Variants in IGF2R observed in about 807,000 individuals in gnomAD.
IGF2R encodes insulin like growth factor 2 receptor.
IGF2R carries 91 observed loss-of-function variants against 270.6 expected under a neutral mutation model. The observed-to-expected ratio is 0.34, with a 90% CI of 0.28 to 0.40. The LOEUF (loss-of-function observed/expected upper bound fraction) is 0.40, where lower values mean the gene tolerates loss of function less well. Among genes scored for constraint, IGF2R ranks in the 10% least tolerant of loss-of-function variants. IGF2R has a pLI of 1.00. For missense variants in IGF2R, 2,805 were observed against 3,188.3 expected (o/e 0.88, Z 2.90); for synonymous variants, 1,316 against 1,258.9 (o/e 1.05, Z -0.96).
chr6:160,078,598 G>A (rs1044091720), intron 37 of IGF2R, among the ~76,000 whole-genome samples: 1 of 152,194 alleles, frequency 6.6e-6, no homozygotes, highest in Non-Finnish European at 1.5e-5. Context: ...TGCACTTAAC[G>A]CTTTTTGATG....
intron 9 of IGF2R, among the ~76,000 whole-genome samples, chr6:160,033,625 C>T (rs1396946457): frequency 6.6e-6 from 1 of 152,236 alleles, no homozygotes; most frequent in Admixed American, 6.5e-5. Context: ...AAGAATGCTT[C>T]TGTTAGAACT....
In IGF2R at chr6:160,110,059, G is replaced by A. The variant is rs954477362; in HGVS notation, c.*4975G>A. 2 of 152,224 alleles carry A rather than the reference G, an allele frequency of 1.3e-5. No individual in the cohort carries two copies. Among genetic ancestry groups the A allele is most frequent in the African/African-American group, 4.8e-5 (2 of 41,454 alleles). The allele number at this position is 152,224 out of a possible 1,614,324, so 9.4% of individuals were successfully genotyped here. ...TTGAAGTGAAACAGCTTTTCTTGGT[G>A]TGAGACCTTTCAGAGTCTTTAAAGG... On this transcript the variant is annotated 3_prime_UTR_variant, in exon 48 of 48. Coordinates refer to ENST00000356956, the MANE Select transcript of IGF2R (RefSeq NM_000876.4).
At position 160,043,193 on chromosome 6, in the gene IGF2R, CAG is replaced by C; in HGVS notation, c.1530_1531del (p.Lys511GlufsTer6). On this transcript the variant is annotated frameshift_variant, in exon 12 of 48. Transcript: ENST00000356956. LOFTEE classifies it high-confidence loss of function. ...GCTGTGGATGGCAGTCAGACGGAAA[CAG>C]AGAAGAAGCATTTTTTCATTAATAT... The C allele has an allele frequency of 6.2e-7, 1 of 1,614,140 alleles. No homozygotes were observed. Among genetic ancestry groups the C allele is most frequent in the Non-Finnish European group, 8.5e-7 (1 of 1,179,998 alleles).
At chr6:160,065,243 G>A (rs1315149401) in intron 29 of IGF2R, among the ~76,000 whole-genome samples, 2 of 152,238 alleles carry the variant, frequency 1.3e-5, no homozygotes, top group African/African-American at 4.8e-5. Context: ...CGTCCACAGA[G>A]CTGCTCTCAA....
At chr6:160,053,278 G>T (rs57905622) in intron 19 of IGF2R, among the ~76,000 whole-genome samples, 13,213 of 152,120 alleles carry the variant, frequency 0.087, 873 homozygotes, top group East Asian at 0.33. Context: ...TGGGGGCTGG[G>T]GGGGAGGGAT....
intron 29 of IGF2R, among the ~76,000 whole-genome samples, chr6:160,067,049 G>A (rs1778600421): frequency 1.3e-5 from 2 of 152,310 alleles, no homozygotes; most frequent in South Asian, 4.1e-4. Context: ...CGCTCTTGCT[G>A]AAACCTTCAA....
chr6:160,070,739 G>A (rs185897506), intron 31 of IGF2R, among the ~76,000 whole-genome samples: 115 of 152,322 alleles, frequency 7.5e-4, no homozygotes, highest in African/African-American at 2.6e-3. Flanking sequence ...GCATTAACTC[G>A]GGCAAGACCA....
chr6:159,990,817 A>G lies in IGF2R; in HGVS notation c.150-367A>G, dbSNP rs553769762. Among the ~76,000 whole-genome samples the G allele has an allele frequency of 8.5e-5, 13 of 152,128 alleles. No individual in the cohort carries two copies. In the South Asian group the frequency reaches 2.5e-3, roughly 29 times the overall value. On this transcript the variant is annotated intron_variant, in intron 1 of 47. Coordinates refer to ENST00000356956, the MANE Select transcript of IGF2R (RefSeq NM_000876.4). ...GCTAATTTTTGTATTTTTAGTAGAGATGGGGTTTCATTATGTTGGCCAGGC... is the reference window on the plus strand; with the variant it reads ...GCTAATTTTTGTATTTTTAGTAGAGGTGGGGTTTCATTATGTTGGCCAGGC...
In IGF2R at chr6:160,061,371, G is replaced by A. The variant is rs553405982; in HGVS notation, c.3263-132G>A. The A allele has an allele frequency of 1.4e-4, 113 of 817,808 alleles. No individual in the cohort carries two copies. The African/African-American group carries it at 1.6e-3, about 12-fold the overall frequency. 50.7% of individuals were successfully genotyped at this position (817,808 alleles called of 1,614,324 possible). A position where few individuals can be genotyped will look rare whatever the true frequency, so the allele number is the denominator to read the frequency against. On this transcript the variant is annotated intron_variant, in intron 23 of 47. Transcript: ENST00000356956. ...TGTAGGCAAAGCCTCTCAGCCTCCC[G>A]TGGATTTCCTTATCCTCACAGTTAG...
At chr6:160,095,491 G>A (rs527760299) in intron 44 of IGF2R, 1 of 152,294 alleles carries the variant, frequency 6.6e-6, no homozygotes, top group East Asian at 1.9e-4. Context: ...TTTTACACTT[G>A]GCAAATGTTA....
In IGF2R at chr6:160,058,076, A is replaced by C. The variant is rs1221030906; in HGVS notation, c.2850A>C (p.Leu950=). 6.2e-7 allele frequency: 1 copy of C among 1,613,860 alleles called. No individual in the cohort carries two copies. The highest frequency in any genetic ancestry group is 8.5e-7 in the Non-Finnish European group (1 of 1,179,728). The part of the protein sequence containing the change: ...NSGFVFNLNP[L]NSSQGYNVSG... ...GATTTGTGTTTAATCTTAATCCGCT[A>C]AACAGTTCGCAAGGATATAACGTCT... The change falls in exon 21 of 48, where the codon CTA becomes CTC. Residue 950 remains leucine, a synonymous_variant. Coordinates refer to ENST00000356956, the MANE Select transcript of IGF2R (RefSeq NM_000876.4).
At chr6:160,080,424 G>C in intron 39 of IGF2R, 149 bp downstream of exon 39, 1 of 807,680 alleles carries the variant, frequency 1.2e-6, no homozygotes, top group South Asian at 1.8e-5. Flanking sequence ...TTCCCACAGA[G>C]AAACGTTTGA....
chr6:160,026,715 G>T (rs1258689359), intron 5 of IGF2R, among the ~76,000 whole-genome samples: 1 of 152,206 alleles, frequency 6.6e-6, no homozygotes, highest in Non-Finnish European at 1.5e-5. Flanking sequence ...CACCAAACCT[G>T]TGCAGTAGCA....
intron 1 of IGF2R, among the ~76,000 whole-genome samples, chr6:159,970,107 C>G (rs906773367): frequency 2.6e-5 from 4 of 152,098 alleles, no homozygotes; most frequent in African/African-American, 9.7e-5. Context: ...GCGGATTATT[C>G]TAGTGGATCT....
At chr6:160,016,502 A>C (rs1777303640) in intron 4 of IGF2R, among the ~76,000 whole-genome samples, 1 of 152,266 alleles carries the variant, frequency 6.6e-6, no homozygotes, top group South Asian at 2.1e-4. Flanking sequence ...AAAGCCAAGC[A>C]TAAATCCTGT....
intron 44 of IGF2R, 160 bp downstream of exon 44, chr6:160,090,263 G>T (rs189978793): frequency 4.4e-4 from 222 of 503,138 alleles, no homozygotes; most frequent in African/African-American, 4.1e-3. Context: ...ACAGTGGATT[G>T]AGCGATACGT....
intron 36 of IGF2R, 76 bp downstream of exon 36, chr6:160,076,072 T>C: frequency 5.0e-6 from 7 of 1,397,858 alleles, no homozygotes; most frequent in Non-Finnish European, 7.1e-6. Context: ...AGAAAGTGCG[T>C]GTCAGGTCCA....
At chr6:159,996,266 T>G (rs952389893) in intron 2 of IGF2R, among the ~76,000 whole-genome samples, 2 of 152,214 alleles carry the variant, frequency 1.3e-5, no homozygotes, top group African/African-American at 2.4e-5. Context: ...AGAATTTATA[T>G]TGGGTTGTGC....
chr6:160,029,438 C>T, intron 6 of IGF2R, 112 bp from the exon 7 acceptor site: 11 of 582,350 alleles, frequency 1.9e-5, no homozygotes, highest in South Asian at 8.6e-5. Context: ...AATATTTCTT[C>T]TGTTACCCTC....
Sources: allele counts gnomAD v4.1 joint callset (sites outside exome capture counted in the v4.1 genomes callset), GRCh38; gene constraint gnomAD v4.1.1; transcripts MANE v1.5; gene names NCBI Gene and HGNC (gene_info 2026-07-23, HGNC 2026-07-21).